Variants in ADAMTS20 observed in about 807,000 individuals in gnomAD.
ADAMTS20 encodes ADAM metallopeptidase with thrombospondin type 1 motif 20.
Under a neutral mutation model 260.1 loss-of-function variants are expected in ADAMTS20, and 225 were observed. The ratio of observed to expected loss-of-function variants is 0.87; its 90% CI spans 0.78 to 0.97. The LOEUF (loss-of-function observed/expected upper bound fraction) is 0.97. Among genes scored for constraint, ADAMTS20 ranks in the 50% least tolerant of loss-of-function variants. The probability of loss-of-function intolerance (pLI) is 0.00; values close to 1 mark genes in which losing one functional copy is unlikely to be tolerated. For synonymous variants in ADAMTS20, 802 were observed against 769.5 expected (o/e 1.04, Z -0.70); for missense variants, 2,400 against 2,337.7 (o/e 1.03, Z -0.55).
At position 43,452,411 on chromosome 12, in the gene ADAMTS20, C is replaced by T; in HGVS notation, c.1943-1G>A. The T allele has an allele frequency of 6.2e-7, 1 of 1,606,508 alleles. No homozygotes were observed. Among genetic ancestry groups the T allele is most frequent in the Non-Finnish European group, 8.5e-7 (1 of 1,177,928 alleles). ...AGTTTACAACGATCCTTTGTGCCAA[C>T]TGTAAAAAAGAAAAAGGTCAAATTT... On this transcript the variant is annotated splice_acceptor_variant, in intron 13 of 38. Transcript: ENST00000389420. LOFTEE classifies it high-confidence loss of function.
intron 3 of ADAMTS20, among the ~76,000 whole-genome samples, chr12:43,521,354 T>C (rs888788629): frequency 1.3e-5 from 2 of 152,198 alleles, no homozygotes; most frequent in African/African-American, 4.8e-5. Context: ...GGAAATAATC[T>C]GTACATAATT....
chr12:43,367,393 T>C (rs1224937023), intron 37 of ADAMTS20, among the ~76,000 whole-genome samples: 4 of 151,936 alleles, frequency 2.6e-5, no homozygotes, highest in Admixed American at 6.6e-5. Context: ...TTTCAACATA[T>C]AAAAATAAAT....
intron 7 of ADAMTS20, among the ~76,000 whole-genome samples, chr12:43,481,332 A>T (rs779146229): frequency 4.2e-5 from 5 of 119,292 alleles, no homozygotes; most frequent in Non-Finnish European, 9.6e-5. Context: ...AAAATAAAAC[A>T]TGTATCATTT....
At chr12:43,369,185 C>A in intron 37 of ADAMTS20, 105 bp downstream of exon 37, 1 of 627,472 alleles carries the variant, frequency 1.6e-6, no homozygotes, top group Non-Finnish European at 2.4e-6. Flanking sequence ...TTTTGCATTT[C>A]TATTTACTTA....
intron 16 of ADAMTS20, 69 bp from the exon 17 acceptor site, chr12:43,440,138 A>T: frequency 9.8e-7 from 1 of 1,024,280 alleles, no homozygotes; most frequent in Non-Finnish European, 1.3e-6. Context: ...CACTTGTTTA[A>T]CTTTTTTTTT....
In ADAMTS20 at chr12:43,365,460, T is replaced by C. The variant is rs1988541270; in HGVS notation, c.5538+3830A>G. Among the ~76,000 whole-genome samples, 4 of 152,086 alleles carry C rather than the reference T, an allele frequency of 2.6e-5. No individual in the cohort carries two copies. In the South Asian group the frequency reaches 8.3e-4, roughly 32 times the overall value. On this transcript the variant is annotated intron_variant, in intron 37 of 38. Transcript: ENST00000389420. Reference sequence around the variant, plus strand: ...AAGTATATTATTGACCTGTAATATATAGACATGTAATATATTTGACAATAA... The same window carrying C: ...AAGTATATTATTGACCTGTAATATACAGACATGTAATATATTTGACAATAA...
intron 3 of ADAMTS20, among the ~76,000 whole-genome samples, chr12:43,503,698 T>A (rs1942800956): frequency 6.6e-6 from 1 of 152,138 alleles, no homozygotes; most frequent in Non-Finnish European, 1.5e-5. Flanking sequence ...ATTTGTTTTT[T>A]TCTGATCCTC....
chr12:43,414,887 C>T (rs1490463800), intron 28 of ADAMTS20, among the ~76,000 whole-genome samples: 1 of 151,992 alleles, frequency 6.6e-6, no homozygotes, highest in African/African-American at 2.4e-5. Flanking sequence ...ATGCTCATCA[C>T]AGCATTGTTT....
chr12:43,373,550 A>C (rs1046703409), intron 36 of ADAMTS20, among the ~76,000 whole-genome samples: 1 of 152,100 alleles, frequency 6.6e-6, no homozygotes, highest in Non-Finnish European at 1.5e-5. Context: ...AAGAAAGTTT[A>C]CAAATTTGTG....
At chr12:43,397,436 T>G (rs565571111) in intron 29 of ADAMTS20, among the ~76,000 whole-genome samples, 13 of 152,198 alleles carry the variant, frequency 8.5e-5, no homozygotes, top group Non-Finnish European at 1.2e-4. Flanking sequence ...CCAAAATATA[T>G]GTAGAGAGGC....
chr12:43,536,020 G>A (rs1183931416), intron 2 of ADAMTS20, among the ~76,000 whole-genome samples: 1 of 151,930 alleles, frequency 6.6e-6, no homozygotes, highest in African/African-American at 2.4e-5. Flanking sequence ...ATCCAAGGGA[G>A]GCATTTATAA....
intron 28 of ADAMTS20, among the ~76,000 whole-genome samples, chr12:43,414,827 C>A (rs1233554260): frequency 1.3e-5 from 2 of 151,886 alleles, no homozygotes; most frequent in Non-Finnish European, 2.9e-5. Flanking sequence ...TCCTGGCTAC[C>A]TAACCAACAG....
chr12:43,519,051 C>A (rs1459154132), intron 3 of ADAMTS20, among the ~76,000 whole-genome samples: 1 of 151,914 alleles, frequency 6.6e-6, no homozygotes, highest in East Asian at 1.9e-4. Context: ...AGTTTTTTTC[C>A]CACATAATCT....
chr12:43,385,364 A>C (rs1470039323), intron 29 of ADAMTS20, among the ~76,000 whole-genome samples: 2 of 152,108 alleles, frequency 1.3e-5, no homozygotes, highest in Non-Finnish European at 2.9e-5. Flanking sequence ...TGTCACATGG[A>C]TAGATTGCAA....
At chr12:43,489,488 T>A (rs903250451) in intron 7 of ADAMTS20, among the ~76,000 whole-genome samples, 2 of 151,882 alleles carry the variant, frequency 1.3e-5, no homozygotes, top group African/African-American at 4.8e-5. Flanking sequence ...AATACAAATA[T>A]ATGAAAAGAT....
intron 29 of ADAMTS20, among the ~76,000 whole-genome samples, chr12:43,384,193 C>T (rs1042660717): frequency 2.0e-5 from 3 of 152,150 alleles, no homozygotes; most frequent in African/African-American, 7.2e-5. Context: ...TTTACAGAAA[C>T]TCTGACAAGC....
chr12:43,491,128 T>C (rs1168516939), intron 6 of ADAMTS20, among the ~76,000 whole-genome samples: 7 of 152,144 alleles, frequency 4.6e-5, no homozygotes, highest in Non-Finnish European at 1.0e-4. Flanking sequence ...ATCGGTCCTA[T>C]AAGATTATAA....
chr12:43,353,272 T>C (rs1329766201), downstream of ADAMTS20, among the ~76,000 whole-genome samples: 2 of 151,974 alleles, frequency 1.3e-5, no homozygotes, highest in Non-Finnish European at 2.9e-5. Flanking sequence ...AACTTAAACA[T>C]CTCTAATAAA....
At chr12:43,501,989 A>G (rs78569367) in intron 4 of ADAMTS20, among the ~76,000 whole-genome samples, 163 bp downstream of exon 4, 10,987 of 152,196 alleles carry the variant, frequency 0.072, 932 homozygotes, top group African/African-American at 0.21. Context: ...GATACTTGCT[A>G]TAACTCTATC....
Sources: gnomAD v4.1 joint callset for allele counts (sites outside exome capture counted in the v4.1 genomes callset) on GRCh38, gnomAD v4.1.1 for gene constraint, MANE v1.5 for transcripts, NCBI Gene and HGNC (gene_info 2026-07-23, HGNC 2026-07-21) for gene names.